Variants in TNR observed in about 807,000 individuals in gnomAD.
TNR encodes the protein tenascin-R.
TNR carries 45 observed loss-of-function variants against 150.4 expected under a neutral mutation model. The observed-to-expected ratio is 0.30, with a 90% CI of 0.24 to 0.38. TNR has a LOEUF of 0.38. TNR is among the 10% of genes least tolerant of loss of function. TNR has a pLI of 1.00. For missense variants in TNR, 1,544 were observed against 1,759.1 expected (o/e 0.88, Z 2.19); for synonymous variants, 687 against 678.4 (o/e 1.01, Z -0.20).
intron 1 of TNR, among the ~76,000 whole-genome samples, chr1:175,695,728 C>A: frequency 6.8e-6 from 1 of 146,942 alleles, no homozygotes; most frequent in East Asian, 1.9e-4. Context: ...CTTTTTTGAC[C>A]CCATTCCAGT....
At position 175,499,050 on chromosome 1, in the gene TNR, T is replaced by A. The variant is rs1015082339; in HGVS notation, c.-64+29219A>T. 3.3e-5 allele frequency among the ~76,000 whole-genome samples: 5 copies of A among 152,218 alleles called. No individual in the cohort carries two copies. The East Asian group carries it at 9.7e-4, about 30-fold the overall frequency. On this transcript the variant is annotated intron_variant, in intron 2 of 22. Coordinates refer to ENST00000367674, the MANE Select transcript of TNR (RefSeq NM_003285.3). ...GAAAGAAAACCTATGAAAGTCGACA[T>A]AGCACAAAGCACATGCCTCCGGCTT...
At chr1:175,591,549 G>A (rs779987141) in intron 1 of TNR, among the ~76,000 whole-genome samples, 2 of 152,188 alleles carry the variant, frequency 1.3e-5, no homozygotes, top group Non-Finnish European at 2.9e-5. Flanking sequence ...CCTGAGAAGG[G>A]AAGGGAAGAG....
At chr1:175,583,361 G>A (rs1273488466) in intron 1 of TNR, among the ~76,000 whole-genome samples, 1 of 152,178 alleles carries the variant, frequency 6.6e-6, no homozygotes, top group Non-Finnish European at 1.5e-5. Context: ...CTGGCTAGAG[G>A]AGCCTGTTGA....
chr1:175,656,988 G>A (rs1186931836), intron 1 of TNR, among the ~76,000 whole-genome samples: 1 of 152,128 alleles, frequency 6.6e-6, no homozygotes, highest in African/African-American at 2.4e-5. Context: ...ATTTGAGGAA[G>A]AAGGTTAGAA....
intron 1 of TNR, among the ~76,000 whole-genome samples, chr1:175,593,371 A>G (rs1341066046): frequency 6.6e-6 from 1 of 152,140 alleles, no homozygotes; most frequent in Non-Finnish European, 1.5e-5. Flanking sequence ...AGAAATAGAA[A>G]AGTCAAAGAG....
intron 2 of TNR, among the ~76,000 whole-genome samples, chr1:175,436,325 C>T (rs1655505780): frequency 6.6e-6 from 1 of 152,144 alleles, no homozygotes; most frequent in South Asian, 2.1e-4. Flanking sequence ...TTCTTGGAGG[C>T]TTTGTTTGTT....
At chr1:175,632,018 G>C (rs1264349750) in intron 1 of TNR, among the ~76,000 whole-genome samples, 1 of 152,216 alleles carries the variant, frequency 6.6e-6, no homozygotes, top group Non-Finnish European at 1.5e-5. Flanking sequence ...CATTAGAGGA[G>C]ATGGGTAGGA....
intron 2 of TNR, among the ~76,000 whole-genome samples, chr1:175,489,020 A>G (rs1658130718): frequency 6.6e-6 from 1 of 152,244 alleles, no homozygotes; most frequent in Admixed American, 6.5e-5. Context: ...TGAATGTGCC[A>G]CAGCCCCAGA....
chr1:175,543,637 T>C (rs1429835122), intron 1 of TNR, among the ~76,000 whole-genome samples: 1 of 152,180 alleles, frequency 6.6e-6, no homozygotes, highest in Non-Finnish European at 1.5e-5. Context: ...CTGGGCAATT[T>C]CAAAGATGAT....
intron 15 of TNR, among the ~76,000 whole-genome samples, chr1:175,357,028 T>C (rs896705068): frequency 6.6e-6 from 1 of 152,244 alleles, no homozygotes; most frequent in Non-Finnish European, 1.5e-5. Flanking sequence ...CCATGTGATA[T>C]TGTTATCACA....
intron 20 of TNR, among the ~76,000 whole-genome samples, chr1:175,333,782 A>G (rs970233298): frequency 1.3e-5 from 2 of 152,202 alleles, no homozygotes; most frequent in African/African-American, 2.4e-5. Flanking sequence ...CTTCTCCCAC[A>G]GGCAATAGGG....
intron 1 of TNR, among the ~76,000 whole-genome samples, chr1:175,615,926 T>C (rs1663759703): frequency 6.6e-6 from 1 of 152,242 alleles, no homozygotes; most frequent in Non-Finnish European, 1.5e-5. Flanking sequence ...TGACGTTCCA[T>C]GCTCAATGCT....
chr1:175,513,323 C>T (rs931932776), intron 2 of TNR, among the ~76,000 whole-genome samples: 7 of 152,146 alleles, frequency 4.6e-5, no homozygotes, highest in South Asian at 2.1e-4. Flanking sequence ...CATCTCCATC[C>T]CCTTATTCAC....
rs1262563303 is a variant in TNR at position 175,365,287 on chromosome 1, G to A, written c.2318-8C>T. The stretch of plus-strand genomic sequence containing the variant: ...GAGAGATGGGACGGAAGCCTGCAAA[G>A]CAAAGGAGATGGATGGTCCTGAAAC... On this transcript the variant is annotated splice_region_variant and splice_polypyrimidine_tract_variant and intron_variant, in intron 11 of 22. Coordinates refer to ENST00000367674, the MANE Select transcript of TNR (RefSeq NM_003285.3). 3 of 1,592,660 alleles carry A rather than the reference G, an allele frequency of 1.9e-6. No homozygotes were observed. Among genetic ancestry groups the A allele is most frequent in the Non-Finnish European group, 2.6e-6 (3 of 1,166,962 alleles).
intron 2 of TNR, among the ~76,000 whole-genome samples, chr1:175,426,771 A>T (rs7546044): frequency 0.29 from 38,242 of 132,318 alleles, 9,595 homozygotes; most frequent in African/African-American, 0.59. Flanking sequence ...TGTGTGTATA[A>T]ATATATATAC....
chr1:175,721,839 G>A (rs1337505148), intron 1 of TNR, among the ~76,000 whole-genome samples: 3 of 106,772 alleles, frequency 2.8e-5, no homozygotes, highest in Admixed American at 1.1e-4. Context: ...ATCCACCAGC[G>A]CCCTCCCCCC....
chr1:175,741,461 C>A (rs144243571), intron 1 of TNR, among the ~76,000 whole-genome samples: 134 of 152,302 alleles, frequency 8.8e-4, no homozygotes, highest in African/African-American at 2.8e-3. Flanking sequence ...AGTGATGTGT[C>A]ATGCAGAAAT....
At position 175,567,586 on chromosome 1, in the gene TNR, T is replaced by C. The variant is rs139316537; in HGVS notation, c.-164-39217A>G. Among the ~76,000 whole-genome samples, 12 of 152,302 alleles carry C rather than the reference T, an allele frequency of 7.9e-5. No individual in the cohort carries two copies. In the East Asian group the frequency reaches 2.3e-3, roughly 29 times the overall value. On this transcript the variant is annotated intron_variant, in intron 1 of 22. Transcript: ENST00000367674. ...GGGAGGAGCATCTCTGTTGTGATGT[T>C]CATGTCATATCAAGAACTCTTTCTA...
Position 175,367,291 on chromosome 1 carries a change from A to T in TNR, c.1970T>A (p.Val657Glu). The change falls in exon 10 of 23, where the codon GTA becomes GAA. Residue 657 changes from valine to glutamate, a missense_variant. Val to Glu is a moderately radical substitution (Grantham distance 121, BLOSUM62 -2). Transcript: ENST00000367674. Reference sequence around the variant, plus strand: ...TCCAACTCCATACTCAGTGCCAGGTACCAGATCTATCAGTGGATGGAGAAA... The same window carrying T: ...TCCAACTCCATACTCAGTGCCAGGTTCCAGATCTATCAGTGGATGGAGAAA... Reference protein sequence around the residue: ...PTTRATLTDLVPGTEYGVGIS... With the variant: ...PTTRATLTDLEPGTEYGVGIS... 6.2e-7 allele frequency: 1 copy of T among 1,614,078 alleles called. No individual in the cohort carries two copies. The highest frequency in any genetic ancestry group is 8.5e-7 in the Non-Finnish European group (1 of 1,179,920).
Sources: gnomAD v4.1 joint callset for allele counts (sites outside exome capture counted in the v4.1 genomes callset) on GRCh38, gnomAD v4.1.1 for gene constraint, MANE v1.5 for transcripts, NCBI Gene and HGNC (gene_info 2026-07-23, HGNC 2026-07-21) for gene names.